Variants in SRGAP3 observed in about 807,000 individuals in gnomAD.
The protein encoded by SRGAP3 is SLIT-ROBO Rho GTPase activating protein 3.
In SRGAP3, 39 loss-of-function variants were observed where a neutral mutation model predicts 121.1. The observed-to-expected ratio is 0.32, with a 90% CI of 0.25 to 0.42. The LOEUF is 0.42. Among genes scored for constraint, SRGAP3 ranks in the 10% least tolerant of loss-of-function variants. The pLI is 1.00. For synonymous variants in SRGAP3, 601 were observed against 570.0 expected (o/e 1.05, Z -0.77); for missense variants, 1,213 against 1,470.6 (o/e 0.82, Z 2.86).
At chr3:9,079,532 G>A (rs1467436968) in intron 4 of SRGAP3, among the ~76,000 whole-genome samples, 1 of 152,214 alleles carries the variant, frequency 6.6e-6, no homozygotes, top group African/African-American at 2.4e-5. Flanking sequence ...AGATGGCAAT[G>A]CAGGCTCACC....
chr3:9,172,005 C>T (rs983472162), intron 1 of SRGAP3, among the ~76,000 whole-genome samples: 3 of 151,760 alleles, frequency 2.0e-5, no homozygotes, highest in African/African-American at 7.3e-5. Flanking sequence ...CCATGGCCTT[C>T]TCCTTGTGTA....
At chr3:9,027,449 G>A (rs2252592) in intron 12 of SRGAP3, among the ~76,000 whole-genome samples, 31,461 of 152,120 alleles carry the variant, frequency 0.21, 3,535 homozygotes, top group Admixed American at 0.33. Flanking sequence ...ACACCAGGGG[G>A]GAAGCAAGGC....
At chr3:9,151,586 G>C (rs1053970324) in intron 1 of SRGAP3, among the ~76,000 whole-genome samples, 13 of 152,224 alleles carry the variant, frequency 8.5e-5, no homozygotes, top group African/African-American at 3.1e-4. Flanking sequence ...ACTGGTCAGA[G>C]AAGAAGAGAC....
chr3:9,281,531 A>G (rs1293990597), intron 3 of SRGAP3, among the ~76,000 whole-genome samples: 2 of 150,024 alleles, frequency 1.3e-5, no homozygotes, highest in Admixed American at 6.6e-5. Flanking sequence ...TTGGACCTAG[A>G]TGTACTTACT....
At chr3:9,158,118 A>C (rs1186342651) in intron 1 of SRGAP3, among the ~76,000 whole-genome samples, 1 of 152,216 alleles carries the variant, frequency 6.6e-6, no homozygotes, top group Non-Finnish European at 1.5e-5. Context: ...CGGGCCTGTA[A>C]CAAATTGTAA....
intron 2 of SRGAP3, among the ~76,000 whole-genome samples, chr3:9,115,654 G>T (rs1575096314): frequency 6.6e-6 from 1 of 152,076 alleles, no homozygotes; most frequent in African/African-American, 2.4e-5. Flanking sequence ...AAAAAAAATT[G>T]TGGAGGATAA....
intron 18 of SRGAP3, chr3:9,008,441 A>AGG (rs1943193112): frequency 7.4e-6 from 1 of 134,556 alleles, no homozygotes; most frequent in Non-Finnish European, 1.6e-5. Context: ...TGACAGGAGT[A>AGG]GGAGAGAGAG....
intron 18 of SRGAP3, chr3:9,006,954 CTTT>C (rs891322969): frequency 3.8e-5 from 4 of 106,600 alleles, no homozygotes; most frequent in African/African-American, 7.5e-5. Context: ...GGTATAGAAT[CTTT>C]TTTTTTTTTT....
At position 9,026,970 on chromosome 3, in the gene SRGAP3, A is replaced by G. The variant is rs778450715; in HGVS notation, c.1565T>C (p.Val522Ala). The G allele has an allele frequency of 1.2e-6, 2 of 1,614,234 alleles. No homozygotes were observed. Among genetic ancestry groups the G allele is most frequent in the Non-Finnish European group, 1.7e-6 (2 of 1,180,042 alleles). Reference sequence around the variant, plus strand: ...GATGTAACGGATGCAGCTCTCGACTACAAGCGGTATAGCTTGTCCTGAATC... The same window carrying G: ...GATGTAACGGATGCAGCTCTCGACTGCAAGCGGTATAGCTTGTCCTGAATC... ...IKDSGQAIPL[V>A]VESCIRYINL... The change falls in exon 13 of 22, where the codon GTA (valine) becomes GCA (alanine). Residue 522 changes from valine (V) to alanine (A), a missense_variant. Val to Ala is a moderately conservative substitution (Grantham distance 64). Around this residue, in one of 2 missense-constraint regions of SRGAP3, gnomAD observed 793 missense variants for 1,032.9 expected, o/e 0.77. Coordinates refer to ENST00000383836, the MANE Select transcript of SRGAP3 (RefSeq NM_014850.4).
chr3:9,147,007 G>C lies in SRGAP3; in HGVS notation c.68-22090C>G, dbSNP rs149875160. 7.2e-5 allele frequency among the ~76,000 whole-genome samples: 11 copies of C among 152,306 alleles called. No individual in the cohort carries two copies. The East Asian group carries it at 1.9e-3, about 27-fold the overall frequency. On this transcript the variant is annotated intron_variant, in intron 1 of 21. Transcript: ENST00000383836. ...GTAAGACCAGAGACGTGTGGGATGT[G>C]AAATTAATCCAGCTAGCACTTACCA...
intron 1 of SRGAP3, chr3:9,192,443 G>A (rs866140968): frequency 3.9e-5 from 6 of 152,132 alleles, no homozygotes; most frequent in African/African-American, 7.2e-5. Context: ...TCATACCTCC[G>A]TGACTGACTC....
chr3:9,296,793 G>A (rs1954960786), intron 3 of SRGAP3, among the ~76,000 whole-genome samples: 1 of 152,196 alleles, frequency 6.6e-6, no homozygotes. Context: ...CTAGCACACA[G>A]CACACATCCC....
At chr3:9,060,480 G>T in intron 5 of SRGAP3, 121 bp from the exon 6 acceptor site, 1 of 1,325,328 alleles carries the variant, frequency 7.5e-7, no homozygotes, top group Non-Finnish European at 1.0e-6. Flanking sequence ...AGGTGAGAGT[G>T]CAGTGGTGTG....
chr3:9,142,829 CTT>C (rs397795766), intron 1 of SRGAP3, among the ~76,000 whole-genome samples: 5 of 90,828 alleles, frequency 5.5e-5, no homozygotes, highest in African/African-American at 4.4e-5. Flanking sequence ...GGGCAATTTC[CTT>C]TTTTTTTTTT....
At chr3:9,200,113 G>C (rs901639195) in intron 1 of SRGAP3, among the ~76,000 whole-genome samples, 2 of 152,192 alleles carry the variant, frequency 1.3e-5, no homozygotes, top group Non-Finnish European at 2.9e-5. Flanking sequence ...TGTGCTTGGA[G>C]GGGAGCATAG....
chr3:9,200,588 T>A (rs1365164853), intron 1 of SRGAP3, among the ~76,000 whole-genome samples: 1 of 152,198 alleles, frequency 6.6e-6, no homozygotes, highest in Non-Finnish European at 1.5e-5. Context: ...AAGCCAGTTT[T>A]GACCTGGGTC....
In SRGAP3 at chr3:9,121,451, G is replaced by A. The variant is rs1445635153; in HGVS notation, c.260+3274C>T. Among the ~76,000 whole-genome samples, 7 of 152,204 alleles carry A rather than the reference G, an allele frequency of 4.6e-5. No individual in the cohort carries two copies. The East Asian group carries it at 1.2e-3, about 25-fold the overall frequency. ...CCAGTCAGTGCCCTGGGGTCAAAGG[G>A]TGAGTCCAGCCTGCCCCTAGAGACT... On this transcript the variant is annotated intron_variant, in intron 2 of 21. Transcript: ENST00000383836.
chr3:9,287,973 A>C (rs1954804196), intron 3 of SRGAP3, among the ~76,000 whole-genome samples: 1 of 152,052 alleles, frequency 6.6e-6, no homozygotes, highest in Non-Finnish European at 1.5e-5. Context: ...GGGCTTCCTG[A>C]ATGTATGGAC....
intron 1 of SRGAP3, among the ~76,000 whole-genome samples, chr3:9,213,918 C>T (rs1268327352): frequency 1.3e-5 from 2 of 152,158 alleles, no homozygotes; most frequent in African/African-American, 4.8e-5. Flanking sequence ...TCTTTACCTG[C>T]TTTTCACATG....
Sources: allele counts gnomAD v4.1 joint callset (sites outside exome capture counted in the v4.1 genomes callset), GRCh38; gene constraint gnomAD v4.1.1; regional missense constraint gnomAD v4.1.1; transcripts MANE v1.5; gene names NCBI Gene and HGNC (gene_info 2026-07-23, HGNC 2026-07-21).